Variants in MUL1 observed in about 807,000 individuals in gnomAD.
The protein encoded by MUL1 is mitochondrial ubiquitin ligase activator of NFKB 1.
In MUL1, 30 loss-of-function variants were observed where a neutral mutation model predicts 34.1. The ratio of observed to expected loss-of-function variants is 0.88; its 90% CI spans 0.66 to 1.19. The LOEUF (loss-of-function observed/expected upper bound fraction) is 1.19, where lower values mean the gene tolerates loss of function less well. MUL1 is among the 50% of genes most tolerant of loss of function. MUL1 has a pLI of 0.00. For missense variants in MUL1, 419 were observed against 450.5 expected (o/e 0.93, Z 0.63); for synonymous variants, 191 against 187.8 (o/e 1.02, Z -0.14).
rs956696965 is a variant in MUL1, at chr1:20,508,004, G to A, written c.21C>T (p.Pro7=). Residue 7 remains proline, a synonymous_variant, in exon 1 of 4, where the codon CCC becomes CCT. Transcript: ENST00000264198. ...CCAGGAGGATGAACTGGCACAGCGA[G>A]GGCCGCCCTCCGCTCTCCATGACGG... is the stretch of plus-strand genomic sequence containing the variant. The part of the protein sequence containing the change: MESGGR[P]SLCQFILLGT... The A allele has an allele frequency of 1.3e-6, 2 of 1,586,694 alleles. No individual in the cohort carries two copies. The highest frequency in any genetic ancestry group is 2.3e-5 in the South Asian group (2 of 86,770).
At chr1:20,502,325 G>A (rs1410639162) in intron 2 of MUL1, 136 bp from the exon 3 acceptor site, 2 of 1,174,858 alleles carry the variant, frequency 1.7e-6, no homozygotes, top group Non-Finnish European at 1.2e-6. Context: ...AAGTCAGAAG[G>A]ATCACTTGGG....
chr1:20,501,539 A>C lies in MUL1; in HGVS notation c.330-120T>G, dbSNP rs553352028. ...CTGAAGTAACTGGAAGAAGACAGTA[A>C]GATCACTATCTCCAGTTGCCTCCTA... On this transcript the variant is annotated intron_variant, in intron 3 of 3. Transcript: ENST00000264198. The surrounding 1 kb of genome is among the most constrained non-coding windows in gnomAD (Gnocchi z 4.2). The C allele has an allele frequency of 8.6e-7, 1 of 1,166,384 alleles. No individual in the cohort carries two copies. The highest frequency in any genetic ancestry group is 1.5e-5 in the African/African-American group (1 of 65,330). The allele number at this position is 1,166,384 out of a possible 1,614,324, so 72.3% of individuals were successfully genotyped here.
At position 20,501,230 on chromosome 1, in the gene MUL1, G is replaced by A. The variant is rs552383357; in HGVS notation, c.519C>T (p.Tyr173=). 3 of 1,614,184 alleles carry A rather than the reference G, an allele frequency of 1.9e-6. No homozygotes were observed. The highest frequency in any genetic ancestry group is 3.3e-5 in the Admixed American group (2 of 60,022). Residue 173 remains tyrosine (Y), a synonymous_variant, in exon 4 of 4, where the codon TAC becomes TAT. Transcript: ENST00000264198. The surrounding 1 kb of genome is among the most constrained non-coding windows in gnomAD (Gnocchi z 4.2). Reference sequence around the variant, plus strand: ...TGCCTTTGGGCCGCTCACCGCTGATGTAGTGGCCGATGACATCGGTGAAGG... The same window carrying A: ...TGCCTTTGGGCCGCTCACCGCTGATATAGTGGCCGATGACATCGGTGAAGG... ...IQSFTDVIGH[Y]ISGERPKGIQ...
At position 20,500,300 on chromosome 1, in the gene MUL1, TC is replaced by T; in HGVS notation, c.*389del. Reference sequence around the variant, plus strand: ...CCAGCCTTTCCTCCCCTCTGAGTCCTCCACCAAGTCCACAGCAAGCAACGAT... The same window carrying T: ...CCAGCCTTTCCTCCCCTCTGAGTCCTCACCAAGTCCACAGCAAGCAACGAT... On this transcript the variant is annotated 3_prime_UTR_variant, in exon 4 of 4. Transcript: ENST00000264198. 6.1e-6 allele frequency: 1 copy of T among 163,442 alleles called. No homozygotes were observed. Among genetic ancestry groups the T allele is most frequent in the Non-Finnish European group, 1.3e-5 (1 of 75,612 alleles). 10.1% of individuals were successfully genotyped at this position (163,442 alleles called of 1,614,324 possible).
At chr1:20,503,825 C>G (rs974804714) in intron 1 of MUL1, among the ~76,000 whole-genome samples, 3 of 151,882 alleles carry the variant, frequency 2.0e-5, no homozygotes, top group Non-Finnish European at 2.9e-5. Context: ...GGGGGAGTTG[C>G]CTTTGCTTCA....
chr1:20,501,351 T>G lies in MUL1; in HGVS notation c.398A>C (p.Asp133Ala). 6.2e-7 allele frequency: 1 copy of G among 1,614,160 alleles called. No individual in the cohort carries two copies. Among genetic ancestry groups the G allele is most frequent in the Non-Finnish European group, 8.5e-7 (1 of 1,180,022 alleles). The change falls in exon 4 of 4, where the codon GAT (aspartate) becomes GCT (alanine). Residue 133 changes from aspartate to alanine, a missense_variant. Coordinates refer to ENST00000264198, the MANE Select transcript of MUL1 (RefSeq NM_024544.3). The surrounding 1 kb of genome is among the most constrained non-coding windows in gnomAD (Gnocchi z 4.2). ...CACTCGCACAGCCACATCCACGCCA[T>G]CCTCGTGGGGCACCAGGTCAAAGGG... ...TVPFDLVPHE[D>A]GVDVAVRVLK...
rs1483119389 is a variant in MUL1, at chr1:20,508,073, G to A, written c.-49C>T. 1.2e-5 allele frequency: 18 copies of A among 1,559,024 alleles called. No individual in the cohort carries two copies. The highest frequency in any genetic ancestry group is 1.5e-5 in the Non-Finnish European group (17 of 1,153,010). ...GACTGTGGCGCCAAGGATAGGCCTGGTGACCCCCGACTCTCCACCTCCTTC... is the reference window on the plus strand; with the variant it reads ...GACTGTGGCGCCAAGGATAGGCCTGATGACCCCCGACTCTCCACCTCCTTC... On this transcript the variant is annotated 5_prime_UTR_variant, in exon 1 of 4. Transcript: ENST00000264198.
In MUL1 at chr1:20,500,910, T is replaced by C. The variant is rs754750400; in HGVS notation, c.839A>G (p.Gln280Arg). ...GCTCAGCAGCTGGGCCTCATGCTCC[T>C]GGAACTCCTCCTGCATCTGCTTGAG... ...LRLKQMQEEF[Q>R]EHEAQLLSRA... Residue 280 changes from glutamine to arginine, a missense_variant, in exon 4 of 4, where the codon CAG becomes CGG. Gln to Arg is a conservative substitution (Grantham distance 43). Transcript: ENST00000264198. The C allele has an allele frequency of 1.9e-6, 3 of 1,614,048 alleles. No homozygotes were observed. Among genetic ancestry groups the C allele is most frequent in the African/African-American group, 1.3e-5 (1 of 74,946 alleles).
At chr1:20,507,175 C>T (rs1481783882) in intron 1 of MUL1, among the ~76,000 whole-genome samples, 1 of 152,158 alleles carries the variant, frequency 6.6e-6, no homozygotes, top group African/African-American at 2.4e-5. Context: ...CAGATCCCGC[C>T]ACTGCACTCC....
rs184259336 is a variant in MUL1 at position 20,499,563 on chromosome 1, C to T, written c.*1127G>A. 6.6e-6 allele frequency: 1 copy of T among 152,340 alleles called. No homozygotes were observed. The highest frequency in any genetic ancestry group is 1.9e-4 in the East Asian group (1 of 5,190). The allele number at this position is 152,340 out of a possible 1,614,324, so 9.4% of individuals were successfully genotyped here. A position where few individuals can be genotyped will look rare whatever the true frequency, so the allele number is the denominator to read the frequency against. On this transcript the variant is annotated 3_prime_UTR_variant, in exon 4 of 4. Transcript: ENST00000264198. ...CAAAGGAGGACGAGAGATGAACATT[C>T]AGAGGCAGAAAAGGGCAATAAAAAA...
rs774965777 is a variant in MUL1, at chr1:20,500,938, G to A, written c.811C>T (p.Arg271Cys). 69 of 1,613,878 alleles carry A rather than the reference G, an allele frequency of 4.3e-5. No individual in the cohort carries two copies. Among genetic ancestry groups the A allele is most frequent in the South Asian group, 3.1e-4 (28 of 91,094 alleles). The change falls in exon 4 of 4, where the codon CGC becomes TGC. Residue 271 changes from arginine to cysteine, a missense_variant. Transcript: ENST00000264198. Reference protein sequence around the residue: ...KQYLQRQERLRLKQMQEEFQE... With the variant: ...KQYLQRQERLCLKQMQEEFQE... ...AACTCCTCCTGCATCTGCTTGAGGC[G>A]CAGGCGCTCCTGCCGCTGCAGATAC...
rs140396927 is a variant in MUL1 at position 20,504,074 on chromosome 1, T to A, written c.121-765A>T. ...TTGCAGAGACAGGGTCTCCCAATGT[T>A]GCCCAGGCTGGTGTTGAGCTCCTGA... On this transcript the variant is annotated intron_variant, in intron 1 of 3. Transcript: ENST00000264198. 2.0e-3 allele frequency among the ~76,000 whole-genome samples: 298 copies of A among 152,240 alleles called. 1 individual carries two copies. Among genetic ancestry groups the A allele is most frequent in the African/African-American group, 6.7e-3 (277 of 41,544 alleles).
chr1:20,500,397 A>T lies in MUL1; in HGVS notation c.*293T>A. On this transcript the variant is annotated 3_prime_UTR_variant, in exon 4 of 4. Coordinates refer to ENST00000264198, the MANE Select transcript of MUL1 (RefSeq NM_024544.3). ...CACTGGCTTTGGTGCTTAAGTGATG[A>T]GGCATTTTCAGTCACACTCGCACTG... 3.6e-6 allele frequency: 1 copy of T among 275,498 alleles called. No homozygotes were observed. Among genetic ancestry groups the T allele is most frequent in the Non-Finnish European group, 6.9e-6 (1 of 145,116 alleles). 17.1% of individuals were successfully genotyped at this position (275,498 alleles called of 1,614,324 possible). A position where few individuals can be genotyped will look rare whatever the true frequency, so the allele number is the denominator to read the frequency against.
Position 20,508,073 on chromosome 1 carries a change from G to C in MUL1, c.-49C>G. 1 of 1,559,142 alleles carries C rather than the reference G, an allele frequency of 6.4e-7. No individual in the cohort carries two copies. Among genetic ancestry groups the C allele is most frequent in the Non-Finnish European group, 8.7e-7 (1 of 1,153,002 alleles). ...GACTGTGGCGCCAAGGATAGGCCTG[G>C]TGACCCCCGACTCTCCACCTCCTTC... On this transcript the variant is annotated 5_prime_UTR_variant, in exon 1 of 4. Transcript: ENST00000264198.
Position 20,507,979 on chromosome 1 carries a change from C to T in MUL1, c.46G>A (p.Gly16Ser), listed in dbSNP as rs1329209285. ...RPSLCQFILL[G>S]TTSVVTAALY... ...GCGGCGGTGACCACAGAGGTGGTGC[C>T]CAGGAGGATGAACTGGCACAGCGAG... Residue 16 changes from glycine to serine, a missense_variant, in exon 1 of 4, where the codon GGC becomes AGC. Gly to Ser is a moderately conservative substitution (Grantham distance 56, BLOSUM62 0). Coordinates refer to ENST00000264198, the MANE Select transcript of MUL1 (RefSeq NM_024544.3). The T allele has an allele frequency of 1.9e-6, 3 of 1,592,682 alleles. No homozygotes were observed. Among genetic ancestry groups the T allele is most frequent in the Admixed American group, 3.6e-5 (2 of 55,884 alleles).
At chr1:20,507,499 T>C (rs576808695) in intron 1 of MUL1, among the ~76,000 whole-genome samples, 2 of 152,320 alleles carry the variant, frequency 1.3e-5, no homozygotes, top group South Asian at 2.1e-4. Context: ...CTCTCTCCCC[T>C]ACCTTACTCT....
chr1:20,508,071 T>C lies in MUL1; in HGVS notation c.-47A>G. ...CCGACTGTGGCGCCAAGGATAGGCC[T>C]GGTGACCCCCGACTCTCCACCTCCT... On this transcript the variant is annotated 5_prime_UTR_variant, in exon 1 of 4. Coordinates refer to ENST00000264198, the MANE Select transcript of MUL1 (RefSeq NM_024544.3). 1 of 1,560,980 alleles carries C rather than the reference T, an allele frequency of 6.4e-7. No individual in the cohort carries two copies. The highest frequency in any genetic ancestry group is 8.7e-7 in the Non-Finnish European group (1 of 1,153,912).
chr1:20,506,661 C>A (rs934639388), intron 1 of MUL1, among the ~76,000 whole-genome samples: 2 of 151,784 alleles, frequency 1.3e-5, no homozygotes, highest in Non-Finnish European at 2.9e-5. Context: ...ACCAGCCTGG[C>A]CAACATGGCA....
rs565509223 is a variant in MUL1 at position 20,502,026 on chromosome 1, G to A, written c.329+43C>T. ...CACCCAGGACCCCAGCATTTGAATA[G>A]ACCAACTGCAAGGGTTTTGGCCAGT... On this transcript the variant is annotated intron_variant, in intron 3 of 3. Transcript: ENST00000264198. 8.7e-6 allele frequency: 14 copies of A among 1,611,066 alleles called. No individual in the cohort carries two copies. The East Asian group carries it at 3.1e-4, about 36-fold the overall frequency.
Sources: gnomAD v4.1 joint callset for allele counts (sites outside exome capture counted in the v4.1 genomes callset) on GRCh38, gnomAD v4.1.1 for gene constraint, Gnocchi (gnomAD v3.1) non-coding constraint, MANE v1.5 for transcripts, NCBI Gene and HGNC (gene_info 2026-07-23, HGNC 2026-07-21) for gene names.